MYT1L: variants seen among roughly 807,000 people sequenced by gnomAD.
MYT1L encodes myelin transcription factor 1 like, also known as myelin transcription factor 1-like protein.
In MYT1L, 12 loss-of-function variants were observed where a neutral mutation model predicts 126.7. The ratio of observed to expected loss-of-function variants is 0.09; its 90% confidence interval spans 0.06 to 0.15. The LOEUF (loss-of-function observed/expected upper bound fraction) is 0.15. Ranked by LOEUF, MYT1L falls within the 10% of genes least tolerant of loss-of-function variation. MYT1L has a pLI of 1.00. For missense variants in MYT1L, 979 were observed against 1,585.2 expected (o/e 0.62, Z 6.49); for synonymous variants, 541 against 604.2 (o/e 0.90, Z 1.53).
At chr2:1,835,802 C>T (rs1423320662) in intron 21 of MYT1L, among the ~76,000 whole-genome samples, 4 of 152,288 alleles carry the variant, frequency 2.6e-5, no homozygotes, top group African/African-American at 4.8e-5. Flanking sequence ...TTTAGTAAAA[C>T]GGAGGAATAT....
At position 2,170,767 on chromosome 2, in the gene MYT1L, G is replaced by A. The variant is rs937786629; in HGVS notation, c.-304+2105C>T. Among the ~76,000 whole-genome samples the A allele has an allele frequency of 4.6e-5, 7 of 152,256 alleles. No homozygotes were observed. The East Asian group carries it at 1.2e-3, about 25-fold the overall frequency. On this transcript the variant is annotated intron_variant, in intron 3 of 24. Transcript: ENST00000647738. ...AGTCAAACACTAATCTTTAAAAAAT[G>A]AGAACATGGATAACAAATCCCAGAA...
chr2:2,116,323 C>A (rs552584101), intron 3 of MYT1L, among the ~76,000 whole-genome samples: 25 of 152,336 alleles, frequency 1.6e-4, no homozygotes, highest in African/African-American at 5.5e-4. Flanking sequence ...CTTCACTGAG[C>A]ACCATGCTGA....
chr2:2,057,409 T>C (rs896852413), intron 3 of MYT1L, among the ~76,000 whole-genome samples: 2 of 151,828 alleles, frequency 1.3e-5, no homozygotes, highest in Non-Finnish European at 2.9e-5. Flanking sequence ...CTCACCCTTT[T>C]CCTGTTCAGA....
chr2:1,982,468 G>A (rs2060684051), intron 5 of MYT1L, among the ~76,000 whole-genome samples: 1 of 152,226 alleles, frequency 6.6e-6, no homozygotes, highest in Non-Finnish European at 1.5e-5. Context: ...GGATTCCATG[G>A]ATTCCATTCC....
intron 19 of MYT1L, among the ~76,000 whole-genome samples, chr2:1,846,221 C>G (rs940400544): frequency 6.6e-6 from 1 of 152,180 alleles, no homozygotes; most frequent in South Asian, 2.1e-4. Context: ...TTATGTCTTT[C>G]CTCATAATTA....
intron 18 of MYT1L, among the ~76,000 whole-genome samples, chr2:1,864,882 T>A (rs1572988361): frequency 6.6e-6 from 1 of 151,962 alleles, no homozygotes; most frequent in Non-Finnish European, 1.5e-5. Context: ...GCCAGAGGGG[T>A]TGGCCTGTTC....
intron 3 of MYT1L, among the ~76,000 whole-genome samples, chr2:2,074,326 A>C (rs2074973614): frequency 6.6e-6 from 1 of 152,216 alleles, no homozygotes; most frequent in Non-Finnish European, 1.5e-5. Context: ...AATAGAAAAG[A>C]CACTCTACTG....
chr2:2,239,590 G>T (rs941559564), intron 2 of MYT1L, among the ~76,000 whole-genome samples: 2 of 152,220 alleles, frequency 1.3e-5, no homozygotes, highest in Non-Finnish European at 2.9e-5. Context: ...TTACATGGGG[G>T]ATAGGCTCTG....
chr2:2,317,897 T>C (rs1328820042), intron 1 of MYT1L, among the ~76,000 whole-genome samples: 1 of 152,092 alleles, frequency 6.6e-6, no homozygotes, highest in African/African-American at 2.4e-5. Flanking sequence ...GGGACTCTAA[T>C]GCAAGCCAAA....
intron 3 of MYT1L, among the ~76,000 whole-genome samples, chr2:2,099,121 A>G (rs1227182891): frequency 6.6e-6 from 1 of 152,174 alleles, no homozygotes; most frequent in East Asian, 1.9e-4. Flanking sequence ...AAAGGTCTTA[A>G]ATGTATTTCT....
intron 18 of MYT1L, among the ~76,000 whole-genome samples, chr2:1,860,544 C>T (rs933189846): frequency 3.9e-5 from 6 of 152,166 alleles, no homozygotes; most frequent in African/African-American, 7.2e-5. Context: ...GTTGATTACA[C>T]GGAGCCCTAA....
At chr2:2,236,772 CTTCTT>C (rs2094320242) in intron 2 of MYT1L, among the ~76,000 whole-genome samples, 1 of 41,970 alleles carries the variant, frequency 2.4e-5, no homozygotes, top group Non-Finnish European at 4.0e-5. Flanking sequence ...TCTTCTTCTT[CTTCTT>C]CTTCTTCTTC....
At position 1,910,150 on chromosome 2, in the gene MYT1L, G is replaced by C; in HGVS notation, c.1817+90C>G. ...TCCAGTCCCTGCCCCTGCTGCTGTA[G>C]GGACATGCCCTGAGCGGGTGTCCCC... On this transcript the variant is annotated intron_variant, in intron 13 of 24. Transcript: ENST00000647738. The surrounding 1 kb of genome is among the most constrained non-coding windows in gnomAD (Gnocchi z 4.8). The C allele has an allele frequency of 8.3e-7, 1 of 1,203,762 alleles. No individual in the cohort carries two copies. The highest frequency in any genetic ancestry group is 1.2e-6 in the Non-Finnish European group (1 of 839,828). The allele number at this position is 1,203,762 out of a possible 1,614,324, so 74.6% of individuals were successfully genotyped here. A position where few individuals can be genotyped will look rare whatever the true frequency, so the allele number is the denominator to read the frequency against.
At chr2:2,010,466 A>G (rs1028234009) in intron 4 of MYT1L, among the ~76,000 whole-genome samples, 1 of 152,032 alleles carries the variant, frequency 6.6e-6, no homozygotes, top group African/African-American at 2.4e-5. Context: ...TGCCAGTGAC[A>G]GCAGTGTGCT....
rs1421633987 is a variant in MYT1L at position 2,040,148 on chromosome 2, C to T, written c.-158+13830G>A. ...ACTATTTCAGTCTCATTTCATTTGT[C>T]CTGGTGTTCTGGTTTAATAATCCTC... On this transcript the variant is annotated intron_variant, in intron 4 of 24. Coordinates refer to ENST00000647738, the MANE Select transcript of MYT1L (RefSeq NM_001303052.2). 2.0e-5 allele frequency among the ~76,000 whole-genome samples: 3 copies of T among 152,246 alleles called. No homozygotes were observed. The East Asian group carries it at 5.8e-4, about 29-fold the overall frequency.
intron 2 of MYT1L, among the ~76,000 whole-genome samples, chr2:2,215,510 T>C (rs1189499726): frequency 6.6e-6 from 1 of 152,184 alleles, no homozygotes; most frequent in East Asian, 1.9e-4. Flanking sequence ...ATGCATGTAA[T>C]AACTGAGTTT....
At chr2:2,231,920 A>C (rs1272332650) in intron 2 of MYT1L, among the ~76,000 whole-genome samples, 1 of 152,214 alleles carries the variant, frequency 6.6e-6, no homozygotes, top group Admixed American at 6.5e-5. Context: ...CTTAAAAGTC[A>C]TCAGAACAAG....
At chr2:2,006,493 G>A (rs1025278744) in intron 4 of MYT1L, among the ~76,000 whole-genome samples, 2 of 152,068 alleles carry the variant, frequency 1.3e-5, no homozygotes, top group Non-Finnish European at 2.9e-5. Context: ...CTGCTATTTT[G>A]TATCATTTGA....
At chr2:2,119,859 AT>A (rs201055665) in intron 3 of MYT1L, among the ~76,000 whole-genome samples, 35 of 151,762 alleles carry the variant, frequency 2.3e-4, no homozygotes, top group African/African-American at 8.2e-4. Flanking sequence ...AAGTGAAAGT[AT>A]TTTTTTTTAA....
Sources: gnomAD v4.1 joint callset for allele counts (sites outside exome capture counted in the v4.1 genomes callset) on GRCh38, gnomAD v4.1.1 for gene constraint, Gnocchi (gnomAD v3.1) non-coding constraint, MANE v1.5 for transcripts, NCBI Gene and HGNC (gene_info 2026-07-23, HGNC 2026-07-21) for gene names.